The following TRIM27 variants were observed in gnomAD, a reference collection of about 807,000 sequenced individuals.
TRIM27 encodes tripartite motif containing 27, also known as zinc finger protein RFP.
Under a neutral mutation model 57.6 loss-of-function variants are expected in TRIM27, and 12 were observed. That is an observed-to-expected ratio of 0.21 (90% CI 0.13 to 0.34). The LOEUF (loss-of-function observed/expected upper bound fraction) is 0.34, where lower values mean the gene tolerates loss of function less well. Among genes scored for constraint, TRIM27 ranks in the 10% least tolerant of loss-of-function variants. The pLI is 1.00. For missense variants in TRIM27, 403 were observed against 656.8 expected (o/e 0.61, Z 4.22); for synonymous variants, 266 against 259.0 (o/e 1.03, Z -0.26).
At chr6:28,921,743 C>T (rs1240456595) in intron 2 of TRIM27, 149 bp downstream of exon 2, 2 of 682,590 alleles carry the variant, frequency 2.9e-6, no homozygotes, top group African/African-American at 3.6e-5. Flanking sequence ...TCTTAGTTCT[C>T]CGGGTGAGTT....
chr6:28,917,060 T>C (rs1212149304), intron 3 of TRIM27, among the ~76,000 whole-genome samples: 1 of 151,992 alleles, frequency 6.6e-6, no homozygotes, highest in East Asian at 1.9e-4. Flanking sequence ...GAGGATCATC[T>C]GAGCCTGGGA....
At chr6:28,913,744 T>C (rs1390204993) in intron 3 of TRIM27, among the ~76,000 whole-genome samples, 1 of 152,144 alleles carries the variant, frequency 6.6e-6, no homozygotes, top group Non-Finnish European at 1.5e-5. Flanking sequence ...CTTTTGCAGC[T>C]TGTCTATTTG....
Position 28,913,085 on chromosome 6 carries a change from G to A in TRIM27, c.748-1367C>T, listed in dbSNP as rs531882283. Among the ~76,000 whole-genome samples, 14 of 151,836 alleles carry A rather than the reference G, an allele frequency of 9.2e-5. No homozygotes were observed. The South Asian group carries it at 2.7e-3, about 29-fold the overall frequency. On this transcript the variant is annotated intron_variant, in intron 3 of 7. Transcript: ENST00000377199. ...AGACTGGCCAACATGGAGAAACCCC[G>A]TCTCTACTAAAAATACAAAATTAGC...
chr6:28,904,052 T>C lies in TRIM27; in HGVS notation c.*18A>G. The C allele has an allele frequency of 6.2e-7, 1 of 1,602,036 alleles. No individual in the cohort carries two copies. Among genetic ancestry groups the C allele is most frequent in the Non-Finnish European group, 8.5e-7 (1 of 1,172,634 alleles). ...GTAGGATTACAGCCAACAGCCCTTT[T>C]GGCCTGAATTCACCTCCTCAAGGGG... On this transcript the variant is annotated 3_prime_UTR_variant, in exon 8 of 8. Coordinates refer to ENST00000377199, the MANE Select transcript of TRIM27 (RefSeq NM_006510.5). The surrounding 1 kb of genome is among the most constrained non-coding windows in gnomAD (Gnocchi z 6.1).
chr6:28,912,734 T>C (rs1056510315), intron 3 of TRIM27, among the ~76,000 whole-genome samples: 2 of 152,354 alleles, frequency 1.3e-5, no homozygotes, highest in Middle Eastern at 3.4e-3. Flanking sequence ...CTTGTGCATA[T>C]GTATTTTCAA....
chr6:28,914,341 G>A lies in TRIM27; in HGVS notation c.748-2623C>T, dbSNP rs1414696507. The stretch of plus-strand genomic sequence containing the variant: ...ATAGCGACGGGGTTTTGCCATGTTG[G>A]CCAGGCTGGTCTCAAACTCCTGACC... On this transcript the variant is annotated intron_variant, in intron 3 of 7. Transcript: ENST00000377199. Among the ~76,000 whole-genome samples, 4 of 151,660 alleles carry A rather than the reference G, an allele frequency of 2.6e-5. No homozygotes were observed. The East Asian group carries it at 7.8e-4, about 29-fold the overall frequency.
chr6:28,919,077 G>A (rs183020774), intron 3 of TRIM27, among the ~76,000 whole-genome samples: 2 of 151,346 alleles, frequency 1.3e-5, no homozygotes, highest in African/African-American at 4.9e-5. Flanking sequence ...ACAGTGGCGC[G>A]ATCTTGGCTC....
rs117399823 is a variant in TRIM27, at chr6:28,917,170, A to G, written c.747+2842T>C. Among the ~76,000 whole-genome samples the G allele has an allele frequency of 6.0e-4, 91 of 152,244 alleles. 1 individual carries two copies. In the East Asian group the frequency reaches 0.017, roughly 29 times the overall value. On this transcript the variant is annotated intron_variant, in intron 3 of 7. Transcript: ENST00000377199. The stretch of plus-strand genomic sequence containing the variant: ...AACAACAATAAAAACTAAGGAAAAA[A>G]AAACACTCAAGTCCATCTTGCAAAA...
At chr6:28,907,940 C>T (rs1772891346) in intron 6 of TRIM27, 1 of 191,024 alleles carries the variant, frequency 5.2e-6, no homozygotes, top group Non-Finnish European at 1.1e-5. Flanking sequence ...CATATATGAA[C>T]CCAGCATATA....
chr6:28,907,185 A>C lies in TRIM27; in HGVS notation c.946+51T>G, dbSNP rs112477724. On this transcript the variant is annotated intron_variant, in intron 7 of 7. Coordinates refer to ENST00000377199, the MANE Select transcript of TRIM27 (RefSeq NM_006510.5). ...ATCATTCATAATAGTAGTTAGGTTCACAAGGATTTTTACTCCTTACCCTAA... is the reference window on the plus strand; with the variant it reads ...ATCATTCATAATAGTAGTTAGGTTCCCAAGGATTTTTACTCCTTACCCTAA... The C allele has an allele frequency of 1.0e-3, 1,576 of 1,541,782 alleles. 1 individual carries two copies. Among genetic ancestry groups the C allele is most frequent in the Non-Finnish European group, 1.2e-3 (1,341 of 1,131,518 alleles).
At chr6:28,912,689 T>C (rs1773296204) in intron 3 of TRIM27, among the ~76,000 whole-genome samples, 1 of 152,206 alleles carries the variant, frequency 6.6e-6, no homozygotes, top group Non-Finnish European at 1.5e-5. Flanking sequence ...CTATTTCCAG[T>C]ATTTTGCAAT....
In TRIM27 at chr6:28,923,370, C is replaced by G. The variant is rs778771158; in HGVS notation, c.263G>C (p.Gly88Ala). 6.2e-7 allele frequency: 1 copy of G among 1,612,106 alleles called. No individual in the cohort carries two copies. The highest frequency in any genetic ancestry group is 1.1e-5 in the South Asian group (1 of 91,040). Reference sequence around the variant, plus strand: ...GCACACGCCCATCTCGCCGCCGGGCCCCGACGGCCGCTCGGTGCGCAGCTG... The same window carrying G: ...GCACACGCCCATCTCGCCGCCGGGCGCCGACGGCCGCTCGGTGCGCAGCTG... ...VKQLRTERPSGPGGEMGVCEK... is the reference protein window; with the variant it reads ...VKQLRTERPSAPGGEMGVCEK... The change falls in exon 1 of 8, where the codon GGG becomes GCG. Residue 88 changes from glycine to alanine, a missense_variant. Physicochemically the swap from Gly to Ala is moderately conservative, Grantham distance 60. Transcript: ENST00000377199.
At chr6:28,913,445 CCCTT>C (rs1488927801) in intron 3 of TRIM27, among the ~76,000 whole-genome samples, 2 of 151,768 alleles carry the variant, frequency 1.3e-5, no homozygotes, top group African/African-American at 4.8e-5. Flanking sequence ...CCTCCCTCTA[CCCTT>C]CCTAGAAAAA....
chr6:28,909,087 C>A lies in TRIM27; in HGVS notation c.772G>T (p.Ala258Ser), dbSNP rs1453841447. ...GGTTCAGGAATCCTGATTCTTTCAG[C>A]CCTAAATTTAAAAAACATGAGTAAA... ...LQDIGDTLSR[A>S]ERIRIPEPWI... The change falls in exon 5 of 8, where the codon GCT becomes TCT. Residue 258 changes from alanine (A) to serine (S), a missense_variant and splice_region_variant. Coordinates refer to ENST00000377199, the MANE Select transcript of TRIM27 (RefSeq NM_006510.5). 1.3e-6 allele frequency: 2 copies of A among 1,592,170 alleles called. No individual in the cohort carries two copies. Among genetic ancestry groups the A allele is most frequent in the South Asian group, 2.3e-5 (2 of 85,780 alleles).
At chr6:28,907,030 G>T in intron 7 of TRIM27, 1 of 542,152 alleles carries the variant, frequency 1.8e-6, no homozygotes, top group South Asian at 2.6e-5. Flanking sequence ...TTACCCTATG[G>T]CTTCAGCTCT....
At chr6:28,915,672 G>A (rs982600734) in intron 3 of TRIM27, 1 of 152,118 alleles carries the variant, frequency 6.6e-6, no homozygotes, top group Non-Finnish European at 1.5e-5. Flanking sequence ...ATCCTCAAAT[G>A]GGAACCATGC....
rs544165946 is a variant in TRIM27, at chr6:28,915,995, C to T, written c.747+4017G>A. ...GCAATGGCACGATCTCGGCTCACTA[C>T]AACCTCTGCCTCCCAGGTTCAAGTG... On this transcript the variant is annotated intron_variant, in intron 3 of 7. Transcript: ENST00000377199. Among the ~76,000 whole-genome samples the T allele has an allele frequency of 1.6e-4, 24 of 152,182 alleles. No individual in the cohort carries two copies. In the South Asian group the frequency reaches 5.0e-3, roughly 32 times the overall value.
intron 6 of TRIM27, chr6:28,907,578 G>A (rs1207212715): frequency 8.0e-6 from 5 of 622,584 alleles, no homozygotes; most frequent in Non-Finnish European, 1.2e-5. Context: ...AGAGGGAAAC[G>A]CGGTTCCAAC....
intron 3 of TRIM27, among the ~76,000 whole-genome samples, chr6:28,913,248 T>A (rs1282743610): frequency 4.0e-5 from 5 of 126,578 alleles, no homozygotes; most frequent in Admixed American, 8.2e-5. Flanking sequence ...AGAGTGAAAC[T>A]CCATCTCAAA....
Sources: allele counts gnomAD v4.1 joint callset (sites outside exome capture counted in the v4.1 genomes callset), GRCh38; gene constraint gnomAD v4.1.1; non-coding constraint Gnocchi (gnomAD v3.1); transcripts MANE v1.5; gene names NCBI Gene and HGNC (gene_info 2026-07-23, HGNC 2026-07-21).